The following SENP1 variants were observed in gnomAD, a reference collection of about 807,000 sequenced individuals.
SENP1 encodes SUMO specific peptidase 1.
Under a neutral mutation model 93.0 loss-of-function variants are expected in SENP1, and 21 were observed. That is an observed-to-expected ratio of 0.23 (90% CI 0.16 to 0.33). The LOEUF (loss-of-function observed/expected upper bound fraction) is 0.33. Among genes scored for constraint, SENP1 ranks in the 10% least tolerant of loss-of-function variants. The pLI, the probability that SENP1 is intolerant of heterozygous loss-of-function variation, is 1.00. For missense variants in SENP1, 591 were observed against 758.7 expected, an observed-to-expected ratio of 0.78 and a Z score of 2.60; for synonymous variants, 256 against 259.6, an observed-to-expected ratio of 0.99 and a Z score of 0.13.
chr12:48,076,948 A>G (rs1944134214), intron 6 of SENP1, among the ~76,000 whole-genome samples: 1 of 152,146 alleles, frequency 6.6e-6, no homozygotes, highest in African/African-American at 2.4e-5. Context: ...CCCAGCCACC[A>G]ATTTGTAGTT....
chr12:48,043,368 T>G lies in SENP1; in HGVS notation c.*1954A>C, dbSNP rs1387954199. 1 of 152,672 alleles carries G rather than the reference T, an allele frequency of 6.5e-6. No individual in the cohort carries two copies. The highest frequency in any genetic ancestry group is 1.5e-5 in the Non-Finnish European group (1 of 68,046). 9.5% of individuals were successfully genotyped at this position (152,672 alleles called of 1,614,324 possible). The stretch of plus-strand genomic sequence containing the variant: ...ATAAATACAGAGAACAATCTTGTTC[T>G]GAGTCCCCCAGACAATAGTGAAAGA... On this transcript the variant is annotated 3_prime_UTR_variant, in exon 18 of 18. Transcript: ENST00000549518.
chr12:48,097,835 T>G, intron 3 of SENP1, 159 bp downstream of exon 3: 1 of 619,800 alleles, frequency 1.6e-6, no homozygotes, highest in Non-Finnish European at 2.6e-6. Flanking sequence ...TTGTCTTAAT[T>G]TTAATATATA....
At chr12:48,102,101 C>A (rs980697090) in intron 1 of SENP1, among the ~76,000 whole-genome samples, 2 of 152,288 alleles carry the variant, frequency 1.3e-5, no homozygotes, top group Admixed American at 1.3e-4. Flanking sequence ...TCTGATGTAT[C>A]CACTTTTTCC....
chr12:48,047,105 C>G lies in SENP1; in HGVS notation c.1692-43G>C, dbSNP rs775895385. The G allele has an allele frequency of 1.7e-5, 21 of 1,222,958 alleles. No individual in the cohort carries two copies. The South Asian group carries it at 2.4e-4, about 14-fold the overall frequency. 75.8% of individuals were successfully genotyped at this position (1,222,958 alleles called of 1,614,324 possible). On this transcript the variant is annotated intron_variant, in intron 15 of 17. Transcript: ENST00000549518. ...GAATGAGATAAGCAGTGGGGAACATCGATGACAGCTGCCACACTAAGAATG... is the reference window on the plus strand; with the variant it reads ...GAATGAGATAAGCAGTGGGGAACATGGATGACAGCTGCCACACTAAGAATG...
chr12:48,066,804 G>A (rs751976689), intron 10 of SENP1, 123 bp downstream of exon 10: 21 of 764,994 alleles, frequency 2.7e-5, no homozygotes, highest in South Asian at 4.7e-5. Context: ...GAGCCACCGC[G>A]CCCAGCCTAA....
At position 48,104,104 on chromosome 12, in the gene SENP1, G is replaced by A. The variant is rs374766464; in HGVS notation, c.-45+1924C>T. ...CAGGCACCCATAATCCCAGCTACTC[G>A]GGAGGCTGAGGCAGGAGAATCGCTT... On this transcript the variant is annotated intron_variant, in intron 1 of 17. Coordinates refer to ENST00000549518, the MANE Select transcript of SENP1 (RefSeq NM_001267594.2). Among the ~76,000 whole-genome samples, 507 of 151,916 alleles carry A rather than the reference G, an allele frequency of 3.3e-3. 1 individual carries two copies. Among genetic ancestry groups the A allele is most frequent in the Middle Eastern group, 0.014 (4 of 294 alleles).
intron 13 of SENP1, among the ~76,000 whole-genome samples, chr12:48,059,305 G>T (rs1378926721): frequency 6.6e-6 from 1 of 151,780 alleles, no homozygotes; most frequent in African/African-American, 2.4e-5. Flanking sequence ...GGCTTTTTTT[G>T]TGTGTCTCAT....
intron 4 of SENP1, among the ~76,000 whole-genome samples, chr12:48,090,888 G>A (rs536561358): frequency 6.6e-6 from 1 of 152,262 alleles, no homozygotes; most frequent in South Asian, 2.1e-4. Context: ...ATACAAGTGA[G>A]CCACTGTGCC....
chr12:48,085,351 C>T (rs1382861459), intron 5 of SENP1: 1 of 1,427,634 alleles, frequency 7.0e-7, no homozygotes, highest in Non-Finnish European at 9.9e-7. Context: ...AAGGAGCACC[C>T]ATATGAGGAC....
At chr12:48,086,247 T>C (rs548341178) in intron 5 of SENP1, among the ~76,000 whole-genome samples, 3 of 152,282 alleles carry the variant, frequency 2.0e-5, no homozygotes, top group Non-Finnish European at 4.4e-5. Flanking sequence ...GCCTTTCCCA[T>C]AGGAAACACA....
At chr12:48,083,458 AAT>A (rs1944629367) in intron 6 of SENP1, 131 bp downstream of exon 6, 2 of 726,918 alleles carry the variant, frequency 2.8e-6, no homozygotes, top group African/African-American at 1.8e-5. Flanking sequence ...CAAAAAGAGT[AAT>A]TCAGACAGAA....
At chr12:48,060,369 C>T (rs1447141463) in intron 13 of SENP1, among the ~76,000 whole-genome samples, 2 of 152,084 alleles carry the variant, frequency 1.3e-5, no homozygotes, top group African/African-American at 4.8e-5. Context: ...AACCATTTGG[C>T]CATAAAGAGA....
chr12:48,062,092 T>TG (rs1201977054), intron 13 of SENP1, among the ~76,000 whole-genome samples: 1 of 152,174 alleles, frequency 6.6e-6, no homozygotes, highest in Non-Finnish European at 1.5e-5. Context: ...ATGCTGTCTC[T>TG]GTAAGGAATC....
At chr12:48,069,990 T>C (rs1159077181) in intron 9 of SENP1, among the ~76,000 whole-genome samples, 1 of 152,176 alleles carries the variant, frequency 6.6e-6, no homozygotes, top group Non-Finnish European at 1.5e-5. Flanking sequence ...CCCAAAGCCA[T>C]ATATGGCAAA....
At chr12:48,104,234 TAGAGAGAG>T (rs58228829) in intron 1 of SENP1, among the ~76,000 whole-genome samples, 10 of 66,302 alleles carry the variant, frequency 1.5e-4, no homozygotes, top group African/African-American at 7.4e-4. Context: ...AAAATATATA[TAGAGAGAG>T]AGAGAGAGAG....
intron 9 of SENP1, among the ~76,000 whole-genome samples, chr12:48,069,152 C>CAAAAAAAAAAAAAA (rs10564674): frequency 6.4e-4 from 49 of 76,340 alleles, no homozygotes; most frequent in South Asian, 1.9e-3. Context: ...GACTCTGTCA[C>CAAAAAAAAAAAAAA]AAAAAAAAAA....
At chr12:48,076,727 C>T (rs906800932) in intron 6 of SENP1, among the ~76,000 whole-genome samples, 2 of 151,610 alleles carry the variant, frequency 1.3e-5, no homozygotes, top group Non-Finnish European at 2.9e-5. Context: ...ACTGCAACTT[C>T]CACCTCCCTG....
Position 48,046,875 on chromosome 12 carries a change from G to A in SENP1, c.1776+103C>T, listed in dbSNP as rs148608502. The A allele has an allele frequency of 6.2e-5, 45 of 727,114 alleles. No individual in the cohort carries two copies. In the East Asian group the frequency reaches 1.1e-3, roughly 18 times the overall value. 45.0% of individuals were successfully genotyped at this position (727,114 alleles called of 1,614,324 possible). ...AACCAACCAACCAAGCTGAAGTCAG[G>A]CTAGACACGAACACAGGTGGTCCCT... On this transcript the variant is annotated intron_variant, in intron 16 of 17. Coordinates refer to ENST00000549518, the MANE Select transcript of SENP1 (RefSeq NM_001267594.2).
At chr12:48,077,946 T>A (rs1490366940) in intron 6 of SENP1, among the ~76,000 whole-genome samples, 1 of 152,076 alleles carries the variant, frequency 6.6e-6, no homozygotes, top group Non-Finnish European at 1.5e-5. Context: ...AATTTTAGTA[T>A]TTTTTTCTAT....
Sources: gnomAD v4.1 joint callset for allele counts (sites outside exome capture counted in the v4.1 genomes callset) on GRCh38, gnomAD v4.1.1 for gene constraint, MANE v1.5 for transcripts, NCBI Gene and HGNC (gene_info 2026-07-23, HGNC 2026-07-21) for gene names.